The following HSPA12A variants were observed in gnomAD, a reference collection of about 807,000 sequenced individuals.
HSPA12A encodes heat shock 70 kDa protein 12A.
Under a neutral mutation model 69.2 loss-of-function variants are expected in HSPA12A, and 28 were observed. The ratio of observed to expected loss-of-function variants is 0.40; its 90% confidence interval spans 0.30 to 0.55. HSPA12A has a LOEUF of 0.55. Ranked by LOEUF, HSPA12A falls within the 20% of genes least tolerant of loss-of-function variation. HSPA12A has a pLI of 0.38. For synonymous variants in HSPA12A, 345 were observed against 370.5 expected (o/e 0.93, Z 0.79); for missense variants, 686 against 900.7 (o/e 0.76, Z 3.05).
chr10:116,679,774 C>CA lies in HSPA12A; in HGVS notation c.1028-14dup, dbSNP rs1564773365. 6.2e-7 allele frequency: 1 copy of CA among 1,606,042 alleles called. No individual in the cohort carries two copies. The highest frequency in any genetic ancestry group is 8.5e-7 in the Non-Finnish European group (1 of 1,175,848). ...CCATAGGGTCCGCCTGAATTGAGAA[C>CA]AAAAAGGGAGGCCATGGTGTTAAAA... is the stretch of plus-strand genomic sequence containing the variant. On this transcript the variant is annotated splice_polypyrimidine_tract_variant and intron_variant, in intron 9 of 11. Coordinates refer to ENST00000369209, the MANE Select transcript of HSPA12A (RefSeq NM_025015.3).
At chr10:116,757,455 C>A (rs1843875532) in intron 2 of HSPA12A, among the ~76,000 whole-genome samples, 1 of 152,168 alleles carries the variant, frequency 6.6e-6, no homozygotes, top group Non-Finnish European at 1.5e-5. Context: ...CCCAAGGTCA[C>A]CTGACTTCCC....
At chr10:116,803,116 G>A (rs1844994129) in intron 2 of HSPA12A, among the ~76,000 whole-genome samples, 1 of 152,270 alleles carries the variant, frequency 6.6e-6, no homozygotes, top group Non-Finnish European at 1.5e-5. Context: ...CACGAGGCAT[G>A]CGCACGCGTG....
At chr10:116,720,996 C>T (rs1295107190) in intron 1 of HSPA12A, among the ~76,000 whole-genome samples, 2 of 152,212 alleles carry the variant, frequency 1.3e-5, no homozygotes, top group Non-Finnish European at 2.9e-5. Context: ...AGACAGCAGA[C>T]TTCCATGTCA....
intron 1 of HSPA12A, among the ~76,000 whole-genome samples, chr10:116,736,927 A>T (rs1479124749): frequency 6.6e-6 from 1 of 152,230 alleles, no homozygotes; most frequent in Non-Finnish European, 1.5e-5. Flanking sequence ...CCTCCTGCCT[A>T]CAAGAATGTA....
intron 2 of HSPA12A, among the ~76,000 whole-genome samples, chr10:116,822,687 T>C (rs570326209): frequency 4.0e-4 from 61 of 152,344 alleles, no homozygotes; most frequent in South Asian, 8.3e-4. Flanking sequence ...TTCAAGCCTC[T>C]ATCCTTTGCA....
intron 2 of HSPA12A, chr10:116,831,754 T>C (rs1357713419): frequency 6.6e-6 from 1 of 152,220 alleles, no homozygotes; most frequent in African/African-American, 2.4e-5. Flanking sequence ...AATTGGCTTA[T>C]TTTTCCACAA....
At position 116,707,238 on chromosome 10, in the gene HSPA12A, C is replaced by CCCCAAGA; in HGVS notation, c.81_87dup (p.Asp30SerfsTer19). 2 of 1,612,690 alleles carry CCCCAAGA rather than the reference C, an allele frequency of 1.2e-6. No individual in the cohort carries two copies. Among genetic ancestry groups the CCCCAAGA allele is most frequent in the Non-Finnish European group, 1.7e-6 (2 of 1,179,620 alleles). On this transcript the variant is annotated frameshift_variant, in exon 2 of 12. Transcript: ENST00000369209. LOFTEE classifies it high-confidence loss of function. The stretch of plus-strand genomic sequence containing the variant: ...GGGGACAGAGGCGTTATTCCTGTGT[C>CCCCAAGA]CCCAAGACTCCGGGCTGGAGATGAA...
intron 7 of HSPA12A, among the ~76,000 whole-genome samples, chr10:116,682,324 T>C (rs1849432484): frequency 1.3e-5 from 2 of 152,228 alleles, no homozygotes; most frequent in South Asian, 4.1e-4. Context: ...CCGGCTTTGC[T>C]GCCCCAGGGA....
rs1554881190 is a variant in HSPA12A at position 116,698,636 on chromosome 10, T to G, written c.545A>C (p.Lys182Thr). 1 of 1,611,610 alleles carries G rather than the reference T, an allele frequency of 6.2e-7. No homozygotes were observed. Among genetic ancestry groups the G allele is most frequent in the East Asian group, 2.2e-5 (1 of 44,794 alleles). ...GCTGGCCTCAACTATCAGTCCTACC[T>G]TCAGCGCCTGCTCCTTAAAGTACTG... ...ALQYFKEQAL[K>T]ELSDQAGSEF... Residue 182 changes from lysine to threonine, a missense_variant and splice_region_variant, in exon 5 of 12, where the codon AAG becomes ACG. Lys to Thr is a moderately conservative substitution (Grantham distance 78). Coordinates refer to ENST00000369209, the MANE Select transcript of HSPA12A (RefSeq NM_025015.3).
At chr10:116,744,621 G>C (rs1554887668), upstream of HSPA12A, among the ~76,000 whole-genome samples, 1 of 152,268 alleles carries the variant, frequency 6.6e-6, no homozygotes, top group Admixed American at 6.5e-5. Flanking sequence ...ATGAAAGGCA[G>C]CGCACACTCT....
chr10:116,847,999 T>C (rs966797924), intron 1 of HSPA12A, among the ~76,000 whole-genome samples: 1 of 152,128 alleles, frequency 6.6e-6, no homozygotes. Flanking sequence ...ACCCAGGCAC[T>C]CAAGGATGAA....
At chr10:116,828,421 C>G (rs1845551193) in intron 2 of HSPA12A, among the ~76,000 whole-genome samples, 1 of 152,206 alleles carries the variant, frequency 6.6e-6, no homozygotes, top group African/African-American at 2.4e-5. Context: ...AGGACCCCAA[C>G]CCTTCCTACC....
intron 2 of HSPA12A, among the ~76,000 whole-genome samples, chr10:116,825,000 C>A (rs2133202112): frequency 1.4e-5 from 2 of 148,006 alleles, no homozygotes; most frequent in South Asian, 4.7e-4. Flanking sequence ...TCAGCCCGGG[C>A]AACATGGCAA....
chr10:116,743,401 T>C (rs1488774664), upstream of HSPA12A, among the ~76,000 whole-genome samples: 3 of 152,172 alleles, frequency 2.0e-5, no homozygotes, highest in African/African-American at 7.2e-5. Context: ...AGGGCAGTAA[T>C]AGGAATCCGA....
At chr10:116,843,337 G>A (rs528988448) in intron 1 of HSPA12A, among the ~76,000 whole-genome samples, 2 of 152,346 alleles carry the variant, frequency 1.3e-5, no homozygotes, top group African/African-American at 4.8e-5. Context: ...GGATTCCAGT[G>A]TAAAGCTAAA....
At chr10:116,707,173 A>G in intron 2 of HSPA12A, 27 bp downstream of exon 2, 1 of 1,540,622 alleles carries the variant, frequency 6.5e-7, no homozygotes, top group African/African-American at 1.4e-5. Flanking sequence ...ACACACACAC[A>G]CACACACACA....
chr10:116,817,820 T>G (rs918358872), intron 2 of HSPA12A, among the ~76,000 whole-genome samples: 1 of 152,118 alleles, frequency 6.6e-6, no homozygotes, highest in African/African-American at 2.4e-5. Context: ...GCTGCAAACA[T>G]GAAGATGATA....
intron 2 of HSPA12A, among the ~76,000 whole-genome samples, chr10:116,786,441 AAAAG>A (rs1433384268): frequency 1.4e-5 from 2 of 138,566 alleles, no homozygotes; most frequent in African/African-American, 2.5e-5. Context: ...TCCTGAAAAA[AAAAG>A]AAAAAAAAGA....
intron 2 of HSPA12A, among the ~76,000 whole-genome samples, chr10:116,752,579 C>G (rs1318818238): frequency 3.9e-5 from 6 of 152,216 alleles, no homozygotes; most frequent in Admixed American, 3.9e-4. Flanking sequence ...AGGCAGACTT[C>G]AACCAGTACC....
Sources: gnomAD v4.1 joint callset for allele counts (sites outside exome capture counted in the v4.1 genomes callset) on GRCh38, gnomAD v4.1.1 for gene constraint, MANE v1.5 for transcripts, NCBI Gene and HGNC (gene_info 2026-07-23, HGNC 2026-07-21) for gene names.